Variants in KCND2 observed in about 807,000 individuals in gnomAD.
KCND2 encodes A-type voltage-gated potassium channel KCND2.
KCND2 carries 16 observed loss-of-function variants against 54.4 expected under a neutral mutation model. The ratio of observed to expected loss-of-function variants is 0.29; its 90% CI spans 0.20 to 0.45. The LOEUF is 0.45. Ranked by LOEUF, KCND2 falls within the 20% of genes least tolerant of loss-of-function variation. The probability of loss-of-function intolerance (pLI) is 1.00; values close to 1 mark genes in which losing one functional copy is unlikely to be tolerated. For missense variants in KCND2, 486 were observed against 824.2 expected (o/e 0.59, Z 5.02); for synonymous variants, 317 against 310.7 (o/e 1.02, Z -0.21).
intron 1 of KCND2, among the ~76,000 whole-genome samples, chr7:120,521,372 T>A (rs1791689816): frequency 6.6e-6 from 1 of 152,152 alleles, no homozygotes; most frequent in African/African-American, 2.4e-5. Flanking sequence ...CAAGTATGCC[T>A]CTCATTCCGA....
chr7:120,293,797 A>G (rs1799471771), intron 1 of KCND2, among the ~76,000 whole-genome samples: 1 of 151,914 alleles, frequency 6.6e-6, no homozygotes, highest in African/African-American at 2.4e-5. Flanking sequence ...GAAATGATTG[A>G]TGTTAGTTCT....
chr7:120,548,458 G>C (rs73439861), intron 1 of KCND2, among the ~76,000 whole-genome samples: 4,050 of 152,110 alleles, frequency 0.027, 160 homozygotes, highest in African/African-American at 0.091. Flanking sequence ...AAATCTAAAA[G>C]CCCTGCCTCC....
rs183417117 is a variant in KCND2, at chr7:120,394,876, A to G, written c.1115+119129A>G. 5.9e-5 allele frequency among the ~76,000 whole-genome samples: 9 copies of G among 152,132 alleles called. No homozygotes were observed. The East Asian group carries it at 1.7e-3, about 29-fold the overall frequency. On this transcript the variant is annotated intron_variant, in intron 1 of 5. Coordinates refer to ENST00000331113, the MANE Select transcript of KCND2 (RefSeq NM_012281.3). The stretch of plus-strand genomic sequence containing the variant: ...AACCACCTAAATCAAGTGACTGTTC[A>G]TGTACATTGGATGAGTGAGAAAAAA...
chr7:120,553,393 G>A (rs1792124928), intron 1 of KCND2, among the ~76,000 whole-genome samples: 1 of 152,154 alleles, frequency 6.6e-6, no homozygotes, highest in Non-Finnish European at 1.5e-5. Flanking sequence ...TAGATAAAGA[G>A]ACAAATAATC....
intron 1 of KCND2, among the ~76,000 whole-genome samples, chr7:120,303,207 T>C (rs1194637944): frequency 6.6e-6 from 1 of 152,180 alleles, no homozygotes; most frequent in Non-Finnish European, 1.5e-5. Context: ...GTGAAATAAT[T>C]ACTTTATGAA....
At chr7:120,586,056 AC>A in intron 1 of KCND2, among the ~76,000 whole-genome samples, 1 of 152,192 alleles carries the variant, frequency 6.6e-6, no homozygotes, top group South Asian at 2.1e-4. Context: ...GGACTACTTG[AC>A]TTGATTTCTA....
At chr7:120,429,174 CA>C (rs1801757362) in intron 1 of KCND2, among the ~76,000 whole-genome samples, 1 of 152,166 alleles carries the variant, frequency 6.6e-6, no homozygotes, top group African/African-American at 2.4e-5. Flanking sequence ...TCCACAATAT[CA>C]AATCTACTTT....
chr7:120,298,730 G>T (rs932704422), intron 1 of KCND2, among the ~76,000 whole-genome samples: 3 of 152,108 alleles, frequency 2.0e-5, no homozygotes, highest in Admixed American at 6.6e-5. Flanking sequence ...ACTACACAGA[G>T]AATTAAAATC....
At position 120,335,448 on chromosome 7, in the gene KCND2, TTTATTTATTTACTTACTTAC is replaced by T. The variant is rs1189642294; in HGVS notation, c.1115+59713_1115+59732del. Among the ~76,000 whole-genome samples the T allele has an allele frequency of 1.6e-4, 22 of 135,678 alleles. No individual in the cohort carries two copies. In the East Asian group the frequency reaches 4.1e-3, roughly 25 times the overall value. 89.0% of individuals were successfully genotyped at this position (135,678 alleles called of 152,430 possible). The stretch of plus-strand genomic sequence containing the variant: ...GTCCATGGCTTGCTTTATTTATTTA[TTTATTTATTTACTTACTTAC>T]TTATTTATTTATTTATTTATTTATT... On this transcript the variant is annotated intron_variant, in intron 1 of 5. Transcript: ENST00000331113.
At chr7:120,345,619 C>T (rs1451779816) in intron 1 of KCND2, among the ~76,000 whole-genome samples, 1 of 152,182 alleles carries the variant, frequency 6.6e-6, no homozygotes, top group Admixed American at 6.6e-5. Context: ...GTCTCTCATA[C>T]AAGTGGACTA....
chr7:120,436,308 C>T (rs533295125), intron 1 of KCND2, among the ~76,000 whole-genome samples: 8 of 151,876 alleles, frequency 5.3e-5, no homozygotes, highest in South Asian at 2.1e-4. Flanking sequence ...AAAGATAATC[C>T]GTAAATAAAA....
chr7:120,374,162 A>C (rs1180050302), intron 1 of KCND2, among the ~76,000 whole-genome samples: 3 of 151,792 alleles, frequency 2.0e-5, no homozygotes, highest in Non-Finnish European at 4.4e-5. Context: ...CCTATTTTTA[A>C]CTTGGAATTA....
intron 1 of KCND2, among the ~76,000 whole-genome samples, chr7:120,660,355 A>G (rs1225735317): frequency 1.3e-5 from 2 of 152,212 alleles, no homozygotes; most frequent in African/African-American, 4.8e-5. Context: ...AAAGCTTCCT[A>G]ATCAAGAAAA....
chr7:120,493,320 G>A (rs916653518), intron 1 of KCND2, among the ~76,000 whole-genome samples: 3 of 151,494 alleles, frequency 2.0e-5, no homozygotes, highest in South Asian at 2.1e-4. Context: ...TTTTCTTAAC[G>A]GTTTAAGAAG....
chr7:120,281,438 A>C (rs922122174), intron 1 of KCND2, among the ~76,000 whole-genome samples: 1 of 151,490 alleles, frequency 6.6e-6, no homozygotes, highest in African/African-American at 2.4e-5. Context: ...AAAAAAAAAA[A>C]AAAACCCCAG....
At chr7:120,440,192 A>G (rs1801927777) in intron 1 of KCND2, among the ~76,000 whole-genome samples, 1 of 152,016 alleles carries the variant, frequency 6.6e-6, no homozygotes, top group South Asian at 2.1e-4. Context: ...TAACCATTCT[A>G]ACTGGAGTGA....
In KCND2 at chr7:120,749,862, T is replaced by C. The variant is rs984633379; in HGVS notation, c.*2004T>C. 9.9e-5 allele frequency: 15 copies of C among 151,986 alleles called. No homozygotes were observed. The highest frequency in any genetic ancestry group is 3.6e-4 in the African/African-American group (15 of 41,436). The allele number at this position is 151,986 out of a possible 1,614,324, so 9.4% of individuals were successfully genotyped here. A position where few individuals can be genotyped will look rare whatever the true frequency, so the allele number is the denominator to read the frequency against. On this transcript the variant is annotated 3_prime_UTR_variant, in exon 6 of 6. Coordinates refer to ENST00000331113, the MANE Select transcript of KCND2 (RefSeq NM_012281.3). ...GTGAAACTTATCTGATGGCATTTAT[T>C]GAAAACCTTCTAAAAAGTAGACTAA...
chr7:120,554,558 G>A (rs1449438865), intron 1 of KCND2, among the ~76,000 whole-genome samples: 2 of 151,924 alleles, frequency 1.3e-5, no homozygotes, highest in Non-Finnish European at 2.9e-5. Context: ...ACAGGCGCCC[G>A]CCACCACTAC....
chr7:120,646,864 TA>T (rs937160639), intron 1 of KCND2, among the ~76,000 whole-genome samples: 20 of 152,234 alleles, frequency 1.3e-4, no homozygotes, highest in African/African-American at 4.6e-4. Context: ...CTTTGGTTTT[TA>T]AATCTTCTCC....
Sources: allele counts gnomAD v4.1 joint callset (sites outside exome capture counted in the v4.1 genomes callset), GRCh38; gene constraint gnomAD v4.1.1; transcripts MANE v1.5; gene names NCBI Gene and HGNC (gene_info 2026-07-23, HGNC 2026-07-21).